PLCH2: variants seen among roughly 807,000 people sequenced by gnomAD.
The protein encoded by PLCH2 is phospholipase C eta 2.
A neutral mutation model predicts 134.7 loss-of-function variants in PLCH2; 98 were observed. The observed-to-expected ratio is 0.73, with a 90% CI of 0.62 to 0.86. PLCH2 has a LOEUF of 0.86. PLCH2 is among the 40% of genes least tolerant of loss of function. PLCH2 has a pLI of 0.00. For missense variants in PLCH2, 1,994 were observed against 1,986.6 expected, an observed-to-expected ratio of 1.00 and a Z score of -0.07; for synonymous variants, 974 against 827.5, an observed-to-expected ratio of 1.18 and a Z score of -3.04.
intron 16 of PLCH2, chr1:2,497,879 C>T (rs1642984390): frequency 4.5e-6 from 2 of 441,492 alleles, no homozygotes; most frequent in Non-Finnish European, 8.2e-6. Flanking sequence ...ACATGAGATT[C>T]ATGGCAGGAC....
chr1:2,458,921 C>A (rs570310262), intron 2 of PLCH2, among the ~76,000 whole-genome samples: 1 of 152,264 alleles, frequency 6.6e-6, no homozygotes, highest in African/African-American at 2.4e-5. Flanking sequence ...GCCGTCTCTG[C>A]AAACGGGGGC....
At chr1:2,442,302 C>T (rs763816535) in intron 2 of PLCH2, among the ~76,000 whole-genome samples, 1 of 152,116 alleles carries the variant, frequency 6.6e-6, no homozygotes, top group Non-Finnish European at 1.5e-5. Context: ...GGAGCCAGGA[C>T]ATGCACCTGT....
At chr1:2,459,449 C>T (rs1485047911) in intron 2 of PLCH2, among the ~76,000 whole-genome samples, 8 of 23,484 alleles carry the variant, frequency 3.4e-4, no homozygotes, top group Non-Finnish European at 8.5e-4. Flanking sequence ...TGCCGGTGGT[C>T]CTCCTTCCTG....
chr1:2,489,197 G>A lies in PLCH2; in HGVS notation c.1236-10G>A. ...GGCCTCATCCTGCTCTTTCTGCCTT[G>A]GGGCCACAGGTACCCAGTGATCCTG... On this transcript the variant is annotated splice_polypyrimidine_tract_variant and intron_variant, in intron 8 of 21. Transcript: ENST00000378486. 1 of 1,612,592 alleles carries A rather than the reference G, an allele frequency of 6.2e-7. No homozygotes were observed. Among genetic ancestry groups the A allele is most frequent in the Non-Finnish European group, 8.5e-7 (1 of 1,179,058 alleles).
At chr1:2,484,691 G>A in intron 5 of PLCH2, 73 bp downstream of exon 5, 2 of 1,529,832 alleles carry the variant, frequency 1.3e-6, no homozygotes, top group Non-Finnish European at 1.8e-6. Flanking sequence ...TTGAGCTTCA[G>A]TCAGGGGACA....
intron 2 of PLCH2, among the ~76,000 whole-genome samples, chr1:2,458,079 G>C (rs1452279446): frequency 6.6e-6 from 1 of 152,158 alleles, no homozygotes; most frequent in African/African-American, 2.4e-5. Context: ...CTGTGTGTGT[G>C]AGTGGGGGTG....
intron 2 of PLCH2, among the ~76,000 whole-genome samples, chr1:2,433,560 C>T (rs567508879): frequency 1.4e-3 from 210 of 152,282 alleles, no homozygotes; most frequent in Non-Finnish European, 2.4e-3. Context: ...ACGGTGTGTC[C>T]GCACAGCAGG....
intron 1 of PLCH2, among the ~76,000 whole-genome samples, chr1:2,426,928 A>G (rs1638825664): frequency 6.6e-6 from 1 of 152,138 alleles, no homozygotes; most frequent in Non-Finnish European, 1.5e-5. Flanking sequence ...CGCTAAGTCC[A>G]GGGGTGGGAG....
intron 8 of PLCH2, 89 bp downstream of exon 8, chr1:2,487,807 C>G: frequency 7.8e-7 from 1 of 1,286,518 alleles, no homozygotes; most frequent in Non-Finnish European, 1.1e-6. Flanking sequence ...CCCACATGTC[C>G]TTTCTTTGGG....
intron 1 of PLCH2, among the ~76,000 whole-genome samples, chr1:2,428,836 C>T (rs1638930246): frequency 6.6e-6 from 1 of 152,242 alleles, no homozygotes; most frequent in Non-Finnish European, 1.5e-5. Context: ...TGGGGGTGAG[C>T]CTGGAGCCAG....
upstream of PLCH2, among the ~76,000 whole-genome samples, chr1:2,424,788 C>G (rs561960224): frequency 1.4e-4 from 22 of 152,248 alleles, no homozygotes; most frequent in Admixed American, 8.5e-4. Flanking sequence ...GAGATCGAGA[C>G]CATCCTGGCT....
At chr1:2,471,842 C>T (rs1296899933), upstream of PLCH2, among the ~76,000 whole-genome samples, 5 of 152,192 alleles carry the variant, frequency 3.3e-5, no homozygotes, top group Non-Finnish European at 5.9e-5. Context: ...CCCCTCCGGC[C>T]TGCTCCCCTG....
At chr1:2,500,899 C>T (rs1643189959) in intron 20 of PLCH2, 1 of 145,600 alleles carries the variant, frequency 6.9e-6, no homozygotes, top group Non-Finnish European at 1.5e-5. Context: ...GGGCAGCCCG[C>T]TGGAGCCCCC....
At chr1:2,453,791 C>G (rs1414117629) in intron 2 of PLCH2, among the ~76,000 whole-genome samples, 1 of 152,208 alleles carries the variant, frequency 6.6e-6, no homozygotes, top group Non-Finnish European at 1.5e-5. Flanking sequence ...AGCCCTGGGT[C>G]CAGCCTGGTG....
intron 2 of PLCH2, among the ~76,000 whole-genome samples, chr1:2,436,264 T>A (rs1570241248): frequency 1.6e-5 from 1 of 63,230 alleles, no homozygotes; most frequent in Non-Finnish European, 3.1e-5. Flanking sequence ...TCCTCCCTCC[T>A]CCTCCTTTCC....
rs780914942 is a variant in PLCH2 at position 2,504,936 on chromosome 1, G to C, written c.3974G>C (p.Gly1325Ala). Residue 1325 changes from glycine (G) to alanine (A), a missense_variant, in exon 22 of 22, where the codon GGG becomes GCG. Coordinates refer to ENST00000378486, the MANE Select transcript of PLCH2 (RefSeq NM_014638.4). ...TCACCCACCAGCCTGGGCCCGGCTG[G>C]GGAGGGGGTGGCAGGGGGCCCTGGT... ...ITSPTSLGPA[G>A]EGVAGGPGFV... The C allele has an allele frequency of 8.3e-6, 13 of 1,567,874 alleles. No homozygotes were observed. The Middle Eastern group carries it at 6.7e-4, about 81-fold the overall frequency.
Position 2,498,163 on chromosome 1 carries a change from T to C in PLCH2, c.2225-360T>C. On this transcript the variant is annotated intron_variant, in intron 16 of 21. Coordinates refer to ENST00000378486, the MANE Select transcript of PLCH2 (RefSeq NM_014638.4). This position sits in a 1 kb window ranked among gnomAD's most constrained non-coding sequence, Gnocchi z 5.4. ...GGACCAGCTACTTCCACCTCTGCCC[T>C]TGGCTTGCCCTCCTCAGAGTTCTCA... is the stretch of plus-strand genomic sequence containing the variant. 1 of 297,246 alleles carries C rather than the reference T, an allele frequency of 3.4e-6. No individual in the cohort carries two copies. Among genetic ancestry groups the C allele is most frequent in the South Asian group, 5.5e-5 (1 of 18,250 alleles). The allele number at this position is 297,246 out of a possible 1,614,324, so 18.4% of individuals were successfully genotyped here. A position where few individuals can be genotyped will look rare whatever the true frequency, so the allele number is the denominator to read the frequency against.
chr1:2,425,456 G>T (rs951870478), upstream of PLCH2, among the ~76,000 whole-genome samples: 1 of 152,288 alleles, frequency 6.6e-6, no homozygotes, highest in South Asian at 2.1e-4. Flanking sequence ...TCAACACGTG[G>T]ATTTCATTTC....
intron 2 of PLCH2, among the ~76,000 whole-genome samples, chr1:2,434,841 C>A (rs1639248897): frequency 6.6e-6 from 1 of 152,200 alleles, no homozygotes; most frequent in Non-Finnish European, 1.5e-5. Flanking sequence ...TGGAAACCAC[C>A]CCCGGGCAGA....
Sources: allele counts gnomAD v4.1 joint callset (sites outside exome capture counted in the v4.1 genomes callset), GRCh38; gene constraint gnomAD v4.1.1; non-coding constraint Gnocchi (gnomAD v3.1); transcripts MANE v1.5; gene names NCBI Gene and HGNC (gene_info 2026-07-23, HGNC 2026-07-21).